UBE3C: variants seen among roughly 807,000 people sequenced by gnomAD.
UBE3C encodes the protein ubiquitin protein ligase E3C.
A neutral mutation model predicts 129.4 loss-of-function variants in UBE3C; 42 were observed. The ratio of observed to expected loss-of-function variants is 0.32; its 90% CI spans 0.25 to 0.42. The LOEUF is 0.42. UBE3C is among the 10% of genes least tolerant of loss of function. The pLI, the probability that UBE3C is intolerant of heterozygous loss-of-function variation, is 1.00. For missense variants in UBE3C, 1,049 were observed against 1,319.1 expected (o/e 0.80, Z 3.17); for synonymous variants, 510 against 492.4 (o/e 1.04, Z -0.47).
chr7:157,226,515 C>G (rs1244665564), intron 17 of UBE3C, among the ~76,000 whole-genome samples: 1 of 152,198 alleles, frequency 6.6e-6, no homozygotes, highest in Non-Finnish European at 1.5e-5. Context: ...ATGAAATCAT[C>G]TTACCCAGCT....
rs993943417 is a variant in UBE3C at position 157,139,244 on chromosome 7, G to A, written c.-29G>A. 7.5e-6 allele frequency: 11 copies of A among 1,475,588 alleles called. No individual in the cohort carries two copies. Among genetic ancestry groups the A allele is most frequent in the African/African-American group, 2.9e-5 (2 of 69,094 alleles). The allele number at this position is 1,475,588 out of a possible 1,614,324, so 91.4% of individuals were successfully genotyped here. ...CCCGCCCGGCTGCTTCCGCGGCGGC[G>A]CTGCCCGCACATGGGCTAGGCTGCC... On this transcript the variant is annotated 5_prime_UTR_variant, in exon 1 of 23. Coordinates refer to ENST00000348165, the MANE Select transcript of UBE3C (RefSeq NM_014671.3).
At position 157,231,080 on chromosome 7, in the gene UBE3C, A is replaced by T; in HGVS notation, c.2234A>T (p.Glu745Val). 6.2e-7 allele frequency: 1 copy of T among 1,608,842 alleles called. No homozygotes were observed. Among genetic ancestry groups the T allele is most frequent in the Admixed American group, 1.7e-5 (1 of 58,570 alleles). ...TCACCCTCCCATTTTTTTTTAACAG[A>T]GCCTGATTTGAAAAAGCGGATCCGT... ...DAYDKLSPENEPDLKKRIRVH... is the reference protein window; with the variant it reads ...DAYDKLSPENVPDLKKRIRVH... Residue 745 changes from glutamate to valine, a missense_variant and splice_region_variant, in exon 18 of 23, where the codon GAG becomes GTG. By Grantham distance (121) the Glu-to-Val change is moderately radical. Transcript: ENST00000348165.
intron 3 of UBE3C, among the ~76,000 whole-genome samples, chr7:157,169,667 C>T (rs887541218): frequency 1.1e-4 from 16 of 151,240 alleles, no homozygotes; most frequent in African/African-American, 3.9e-4. Context: ...TAAGCCACTG[C>T]GCCTGGCCTG....
At position 157,241,594 on chromosome 7, in the gene UBE3C, A is replaced by G. The variant is rs185647653; in HGVS notation, c.2482-6774A>G. ...TGAGGATGTGGAGGAATCAGTCCTC[A>G]TGCATTGCCAATGGGAAGATAAAAT... On this transcript the variant is annotated intron_variant, in intron 18 of 22. Coordinates refer to ENST00000348165, the MANE Select transcript of UBE3C (RefSeq NM_014671.3). Among the ~76,000 whole-genome samples the G allele has an allele frequency of 9.2e-5, 14 of 152,364 alleles. No individual in the cohort carries two copies. The East Asian group carries it at 2.7e-3, about 29-fold the overall frequency.
chr7:157,209,710 T>C (rs1809536804), intron 13 of UBE3C, among the ~76,000 whole-genome samples: 2 of 152,234 alleles, frequency 1.3e-5, no homozygotes, highest in Non-Finnish European at 1.5e-5. Flanking sequence ...TTTCATAATT[T>C]CCATGACAGG....
At chr7:157,228,736 T>C (rs1335134794) in intron 17 of UBE3C, among the ~76,000 whole-genome samples, 1 of 152,174 alleles carries the variant, frequency 6.6e-6, no homozygotes, top group Non-Finnish European at 1.5e-5. Context: ...ATCTTGTCCA[T>C]TCAGTCAGCG....
In UBE3C at chr7:157,231,257, C is replaced by T. The variant is rs759115708; in HGVS notation, c.2411C>T (p.Pro804Leu). 1 of 1,614,122 alleles carries T rather than the reference C, an allele frequency of 6.2e-7. No homozygotes were observed. ...TTNEGLLYPN[P>L]AAQMLVGDSF... ...AATGAAGGGCTTCTGTACCCCAACC[C>T]GGCTGCTCAGATGCTTGTGGGAGAT... is the stretch of plus-strand genomic sequence containing the variant. The change falls in exon 18 of 23, where the codon CCG becomes CTG. Residue 804 changes from proline (P) to leucine (L), a missense_variant. Physicochemically the swap from Pro to Leu is moderately conservative, Grantham distance 98 (BLOSUM62 -3). Around this residue, in one of 4 missense-constraint regions of UBE3C, gnomAD observed 243 missense variants for 368.7 expected, o/e 0.66. Transcript: ENST00000348165.
chr7:157,244,515 T>C (rs1368852377), intron 18 of UBE3C, among the ~76,000 whole-genome samples: 1 of 152,230 alleles, frequency 6.6e-6, no homozygotes, highest in Non-Finnish European at 1.5e-5. Context: ...TCATCTCTTA[T>C]ATAGTTTTTA....
chr7:157,207,543 G>A lies in UBE3C; in HGVS notation c.1564G>A (p.Asp522Asn). 6.2e-7 allele frequency: 1 copy of A among 1,612,236 alleles called. No homozygotes were observed. Among genetic ancestry groups the A allele is most frequent in the Non-Finnish European group, 8.5e-7 (1 of 1,179,672 alleles). The change falls in exon 12 of 23, where the codon GAT becomes AAT. Residue 522 changes from aspartate to asparagine, a missense_variant. Asp to Asn is a conservative substitution (Grantham distance 23). Coordinates refer to ENST00000348165, the MANE Select transcript of UBE3C (RefSeq NM_014671.3). ...ISIHDNEFFG[D>N]PIEVVGQRQS... Reference sequence around the variant, plus strand: ...CATACATGATAACGAATTCTTCGGTGATCCCATAGAAGGTAAGGATTTTGA... The same window carrying A: ...CATACATGATAACGAATTCTTCGGTAATCCCATAGAAGGTAAGGATTTTGA...
At chr7:157,192,444 TA>T (rs1808995410) in intron 10 of UBE3C, 2 of 739,004 alleles carry the variant, frequency 2.7e-6, no homozygotes, top group Non-Finnish European at 2.5e-6. Context: ...ATAGAAAATG[TA>T]AAGGCCAAGA....
intron 22 of UBE3C, among the ~76,000 whole-genome samples, chr7:157,257,345 C>T (rs930083116): frequency 5.3e-5 from 8 of 152,150 alleles, no homozygotes; most frequent in Non-Finnish European, 1.0e-4. Flanking sequence ...TCTCATAAAT[C>T]TGTAACACAT....
intron 22 of UBE3C, among the ~76,000 whole-genome samples, chr7:157,259,597 CTG>C (rs1284094474): frequency 6.6e-6 from 1 of 152,146 alleles, no homozygotes; most frequent in Non-Finnish European, 1.5e-5. Flanking sequence ...ATTGAAAACA[CTG>C]TGCTAAGTGA....
intron 11 of UBE3C, among the ~76,000 whole-genome samples, chr7:157,206,039 G>A (rs993341874): frequency 6.6e-5 from 10 of 152,136 alleles, no homozygotes; most frequent in Non-Finnish European, 1.5e-4. Flanking sequence ...GTAGTTTTGT[G>A]GAAATGGATA....
In UBE3C at chr7:157,151,173, C is replaced by T. The variant is rs143563548; in HGVS notation, c.66+11835C>T. ...TAGCAAAGCGTCTGTGGACATAATC[C>T]TGAAGCCACCGTAGAAGGGAGCTTC... On this transcript the variant is annotated intron_variant, in intron 1 of 22. Transcript: ENST00000348165. Among the ~76,000 whole-genome samples the T allele has an allele frequency of 2.6e-3, 400 of 152,364 alleles. 4 individuals carry two copies. The highest frequency in any genetic ancestry group is 9.4e-3 in the African/African-American group (391 of 41,596).
chr7:157,252,844 T>C (rs1403565151), intron 19 of UBE3C, among the ~76,000 whole-genome samples: 1 of 152,244 alleles, frequency 6.6e-6, no homozygotes, highest in Non-Finnish European at 1.5e-5. Context: ...ATATTTTCAT[T>C]GTCCACAGTA....
chr7:157,201,999 A>G (rs1809299240), intron 11 of UBE3C, among the ~76,000 whole-genome samples, 192 bp downstream of exon 11: 1 of 152,190 alleles, frequency 6.6e-6, no homozygotes, highest in East Asian at 1.9e-4. Flanking sequence ...ACTTATCTGT[A>G]TATATTATAG....
At chr7:157,158,042 CTT>C (rs1479409068) in intron 1 of UBE3C, among the ~76,000 whole-genome samples, 1 of 133,468 alleles carries the variant, frequency 7.5e-6, no homozygotes, top group African/African-American at 2.9e-5. Context: ...TCTGTACACT[CTT>C]TTTTCCTTTT....
intron 15 of UBE3C, chr7:157,221,012 C>T (rs1323560716): frequency 6.7e-6 from 3 of 446,134 alleles, no homozygotes; most frequent in African/African-American, 2.0e-5. Flanking sequence ...TTGCAAAAGG[C>T]CTCCAAAGGG....
At position 157,144,167 on chromosome 7, in the gene UBE3C, G is replaced by C. The variant is rs553478790; in HGVS notation, c.66+4829G>C. ...CCGAACACAGGCCGGATGCTGTGGCGCACGCCTACAATCTGCCACACCGAA... is the reference window on the plus strand; with the variant it reads ...CCGAACACAGGCCGGATGCTGTGGCCCACGCCTACAATCTGCCACACCGAA... On this transcript the variant is annotated intron_variant, in intron 1 of 22. Coordinates refer to ENST00000348165, the MANE Select transcript of UBE3C (RefSeq NM_014671.3). Among the ~76,000 whole-genome samples, 134 of 152,344 alleles carry C rather than the reference G, an allele frequency of 8.8e-4. 3 individuals are homozygous for C. Among genetic ancestry groups the C allele is most frequent in the South Asian group, 6.2e-4 (3 of 4,826 alleles).
Sources: gnomAD v4.1 joint callset for allele counts (sites outside exome capture counted in the v4.1 genomes callset) on GRCh38, gnomAD v4.1.1 for gene constraint, gnomAD v4.1.1 regional missense constraint, MANE v1.5 for transcripts, NCBI Gene and HGNC (gene_info 2026-07-23, HGNC 2026-07-21) for gene names.